Variants in HIVEP1 observed in about 807,000 individuals in gnomAD.
HIVEP1 encodes the protein zinc finger protein 40.
A neutral mutation model predicts 180.0 loss-of-function variants in HIVEP1; 36 were observed. That is an observed-to-expected ratio of 0.20 (90% CI 0.15 to 0.26). The LOEUF is 0.26. Ranked by LOEUF, HIVEP1 falls within the 10% of genes least tolerant of loss-of-function variation. The pLI, the probability that HIVEP1 is intolerant of heterozygous loss-of-function variation, is 1.00. For missense variants in HIVEP1, 3,143 were observed against 3,268.7 expected (o/e 0.96, Z 0.94); for synonymous variants, 1,239 against 1,239.0 (o/e 1.00, Z 0.00).
intron 2 of HIVEP1, among the ~76,000 whole-genome samples, chr6:12,041,443 A>AC (rs1017726314): frequency 2.7e-5 from 4 of 150,554 alleles, no homozygotes; most frequent in African/African-American, 9.7e-5. Context: ...AAAAAAAAAA[A>AC]AGCCGGAGAA....
At chr6:12,193,973 C>G in the HIVEP1 span, among the ~76,000 whole-genome samples, 1 of 152,098 alleles carries the variant, frequency 6.6e-6, no homozygotes, top group South Asian at 2.1e-4. Context: ...GCATGAATAG[C>G]TTTTGCATGA....
intron 2 of HIVEP1, among the ~76,000 whole-genome samples, chr6:12,023,871 A>G (rs1768411858): frequency 6.6e-6 from 1 of 152,226 alleles, no homozygotes; most frequent in Non-Finnish European, 1.5e-5. Flanking sequence ...GGAAAAATAC[A>G]TAATTTGTGT....
intron 2 of HIVEP1, among the ~76,000 whole-genome samples, chr6:12,050,304 G>A (rs1770414749): frequency 1.3e-5 from 2 of 152,154 alleles, no homozygotes; most frequent in African/African-American, 2.4e-5. Context: ...AAACACCATC[G>A]GCCGGGTGCG....
chr6:12,016,233 AGT>A (rs1012640721), intron 2 of HIVEP1, among the ~76,000 whole-genome samples: 3 of 152,234 alleles, frequency 2.0e-5, no homozygotes, highest in Non-Finnish European at 2.9e-5. Flanking sequence ...AAGACAGAAA[AGT>A]GTGTGTTTTC....
At chr6:12,020,542 T>G (rs1581506867) in intron 2 of HIVEP1, 1 of 422,782 alleles carries the variant, frequency 2.4e-6, no homozygotes, top group Admixed American at 2.6e-5. Context: ...TAACATGGAA[T>G]GGAGGAGTTG....
intron 4 of HIVEP1, among the ~76,000 whole-genome samples, chr6:12,128,363 G>A (rs974322899): frequency 2.0e-5 from 3 of 152,236 alleles, no homozygotes; most frequent in Non-Finnish European, 4.4e-5. Context: ...GCCTCCCAAG[G>A]TACTATTCTG....
downstream of HIVEP1, among the ~76,000 whole-genome samples, chr6:12,167,291 A>G (rs1470730064): frequency 6.6e-6 from 1 of 151,958 alleles, no homozygotes; most frequent in African/African-American, 2.4e-5. Flanking sequence ...ATCTTGATTC[A>G]TGCTCAGTTC....
downstream of HIVEP1, among the ~76,000 whole-genome samples, chr6:12,165,426 T>A (rs1335019218): frequency 6.6e-6 from 1 of 152,192 alleles, no homozygotes; most frequent in East Asian, 1.9e-4. Context: ...GGGCTCTTCT[T>A]TCCCTTGATG....
chr6:12,211,686 A>G, the HIVEP1 span, among the ~76,000 whole-genome samples: 1 of 152,208 alleles, frequency 6.6e-6, no homozygotes, highest in South Asian at 2.1e-4. Context: ...CAAAGAAGAA[A>G]CTAACAAATC....
chr6:12,188,863 G>GA, the HIVEP1 span, among the ~76,000 whole-genome samples: 1 of 151,730 alleles, frequency 6.6e-6, no homozygotes. Flanking sequence ...AAGTTCAGTG[G>GA]AAAAATAAAT....
chr6:12,183,503 C>G, the HIVEP1 span, among the ~76,000 whole-genome samples: 1 of 152,082 alleles, frequency 6.6e-6, no homozygotes, highest in Non-Finnish European at 1.5e-5. Flanking sequence ...AGATAAAAGC[C>G]CTTCTTTTTT....
upstream of HIVEP1, among the ~76,000 whole-genome samples, chr6:12,009,087 C>G (rs1317452082): frequency 2.7e-5 from 4 of 149,500 alleles, no homozygotes; most frequent in South Asian, 8.3e-4. Context: ...CGGCGGCCGG[C>G]GGGGAGGAAC....
chr6:12,065,155 T>TTAAC (rs1771488151), intron 2 of HIVEP1, among the ~76,000 whole-genome samples: 1 of 152,244 alleles, frequency 6.6e-6, no homozygotes, highest in African/African-American at 2.4e-5. Context: ...AAGAAACTGT[T>TTAAC]ACTTTCCTGG....
At chr6:12,009,555 T>G (rs1767175297), upstream of HIVEP1, among the ~76,000 whole-genome samples, 2 of 152,072 alleles carry the variant, frequency 1.3e-5, no homozygotes, top group Admixed American at 1.3e-4. Flanking sequence ...CCATTCACAT[T>G]CATCCTCCAC....
chr6:12,077,035 C>G (rs1420571809), intron 2 of HIVEP1, among the ~76,000 whole-genome samples: 4 of 152,076 alleles, frequency 2.6e-5, no homozygotes, highest in Non-Finnish European at 2.9e-5. Context: ...GGGCCCTAAA[C>G]TACAACTTAC....
chr6:12,183,704 T>G, the HIVEP1 span, among the ~76,000 whole-genome samples: 3 of 152,286 alleles, frequency 2.0e-5, no homozygotes, highest in African/African-American at 7.2e-5. Context: ...CGTCTAGCCA[T>G]CTACACTCAA....
chr6:12,085,171 A>C (rs768140713), intron 2 of HIVEP1, among the ~76,000 whole-genome samples: 1 of 152,110 alleles, frequency 6.6e-6, no homozygotes, highest in African/African-American at 2.4e-5. Context: ...TGAGCTATGC[A>C]GCTCTAGAGA....
intron 1 of HIVEP1, among the ~76,000 whole-genome samples, chr6:12,014,328 A>C (rs1200789199): frequency 6.6e-6 from 1 of 152,250 alleles, no homozygotes; most frequent in Non-Finnish European, 1.5e-5. Flanking sequence ...TGAGTCATGC[A>C]GTACCACATT....
intron 3 of HIVEP1, 58 bp downstream of exon 3, chr6:12,089,295 A>G: frequency 1.1e-6 from 1 of 928,608 alleles, no homozygotes; most frequent in South Asian, 1.5e-5. Flanking sequence ...CTATACATAT[A>G]CCTCATAAAT....
Sources: gnomAD v4.1 joint callset for allele counts (sites outside exome capture counted in the v4.1 genomes callset) on GRCh38, gnomAD v4.1.1 for gene constraint, MANE v1.5 for transcripts, NCBI Gene and HGNC (gene_info 2026-07-23, HGNC 2026-07-21) for gene names.